The following ZNF385D variants were observed in gnomAD, a reference collection of about 807,000 sequenced individuals.
ZNF385D encodes zinc finger protein 659.
ZNF385D carries 15 observed loss-of-function variants against 35.8 expected under a neutral mutation model. The ratio of observed to expected loss-of-function variants is 0.42; its 90% CI spans 0.28 to 0.64. The LOEUF (loss-of-function observed/expected upper bound fraction) is 0.64. ZNF385D is among the 30% of genes least tolerant of loss of function. ZNF385D has a pLI of 0.23. For synonymous variants in ZNF385D, 212 were observed against 186.8 expected, an observed-to-expected ratio of 1.13 and a Z score of -1.10; for missense variants, 474 against 494.6, an observed-to-expected ratio of 0.96 and a Z score of 0.39.
In ZNF385D at chr3:22,091,201, C is replaced by T. The variant is rs138955744; in HGVS notation, c.325+77616G>A. 1.2e-4 allele frequency among the ~76,000 whole-genome samples: 19 copies of T among 152,250 alleles called. No homozygotes were observed. In the East Asian group the frequency reaches 3.5e-3, roughly 28 times the overall value. ...ACTTAACTTGGTTGATTGACTGAAA[C>T]TTGGACACCAAGATTCCAGACATTT... On this transcript the variant is annotated intron_variant, in intron 3 of 5. Coordinates refer to the ZNF385D transcript ENST00000494108.
At chr3:21,903,174 A>C (rs1207761906) in intron 3 of ZNF385D, among the ~76,000 whole-genome samples, 1 of 152,216 alleles carries the variant, frequency 6.6e-6, no homozygotes, top group African/African-American at 2.4e-5. Flanking sequence ...CTTTCTAAAA[A>C]GGGTGACCCA....
chr3:22,103,825 G>A (rs540665753), intron 3 of ZNF385D, among the ~76,000 whole-genome samples: 6 of 151,970 alleles, frequency 3.9e-5, no homozygotes, highest in Non-Finnish European at 7.4e-5. Flanking sequence ...CATAGTTGAG[G>A]GGGGTGACTT....
chr3:21,670,680 T>TGTTC (rs2066549202), intron 1 of ZNF385D, among the ~76,000 whole-genome samples: 1 of 52,410 alleles, frequency 1.9e-5, no homozygotes, highest in African/African-American at 8.1e-5. Flanking sequence ...CCCCAATGAC[T>TGTTC]GAACGAATCC....
At chr3:21,581,153 A>G (rs1244764033) in intron 2 of ZNF385D, among the ~76,000 whole-genome samples, 1 of 152,122 alleles carries the variant, frequency 6.6e-6, no homozygotes, top group African/African-American at 2.4e-5. Context: ...ATTTTCCATT[A>G]CTGCTTGCCC....
chr3:21,905,829 G>A (rs1022379500), intron 3 of ZNF385D, among the ~76,000 whole-genome samples: 11 of 152,046 alleles, frequency 7.2e-5, no homozygotes, highest in Non-Finnish European at 1.5e-4. Context: ...TGCTTTATAT[G>A]TACCTGACAA....
At chr3:22,139,912 C>A (rs982115689) in intron 3 of ZNF385D, among the ~76,000 whole-genome samples, 1 of 152,094 alleles carries the variant, frequency 6.6e-6, no homozygotes, top group Non-Finnish European at 1.5e-5. Flanking sequence ...TATCTACACT[C>A]CCATTAAAAT....
chr3:22,197,703 T>G (rs1468645260), intron 2 of ZNF385D, among the ~76,000 whole-genome samples: 1 of 152,106 alleles, frequency 6.6e-6, no homozygotes, highest in Non-Finnish European at 1.5e-5. Context: ...GATGCTCTGC[T>G]TATAATAGCA....
At chr3:21,955,412 C>T (rs1013015520) in intron 3 of ZNF385D, among the ~76,000 whole-genome samples, 4 of 152,198 alleles carry the variant, frequency 2.6e-5, no homozygotes, top group South Asian at 2.1e-4. Context: ...TCTCTTGTCT[C>T]CAATGTTCTT....
chr3:22,313,012 A>G (rs1249427230), intron 2 of ZNF385D, among the ~76,000 whole-genome samples: 1 of 151,412 alleles, frequency 6.6e-6, no homozygotes, highest in Non-Finnish European at 1.5e-5. Flanking sequence ...CAAATGTCCA[A>G]CGATAGACTG....
chr3:21,815,445 A>C (rs1039723453), intron 3 of ZNF385D, among the ~76,000 whole-genome samples: 1 of 152,236 alleles, frequency 6.6e-6, no homozygotes, highest in African/African-American at 2.4e-5. Flanking sequence ...AGCAAGACTA[A>C]TAAAGAAGAA....
At chr3:21,835,013 A>T (rs1049176413) in intron 3 of ZNF385D, among the ~76,000 whole-genome samples, 1 of 152,128 alleles carries the variant, frequency 6.6e-6, no homozygotes, top group South Asian at 2.1e-4. Context: ...GTGGAAATTG[A>T]CTAATACATA....
chr3:22,017,721 A>C (rs1308503583), intron 3 of ZNF385D, among the ~76,000 whole-genome samples: 2 of 151,988 alleles, frequency 1.3e-5, no homozygotes, highest in African/African-American at 4.8e-5. Flanking sequence ...TAAATTTATA[A>C]CATATTTCTC....
intron 3 of ZNF385D, among the ~76,000 whole-genome samples, chr3:21,895,458 C>T (rs1403325393): frequency 6.7e-6 from 1 of 149,324 alleles, no homozygotes; most frequent in Non-Finnish European, 1.5e-5. Context: ...TCCTGAGAAG[C>T]TGGGGACTAC....
At chr3:22,154,335 T>G (rs1159639254) in intron 3 of ZNF385D, among the ~76,000 whole-genome samples, 1 of 152,152 alleles carries the variant, frequency 6.6e-6, no homozygotes, top group Admixed American at 6.5e-5. Context: ...TGCTACATCA[T>G]TAAGTCAAAC....
intron 2 of ZNF385D, among the ~76,000 whole-genome samples, chr3:22,321,239 T>G (rs910844914): frequency 6.6e-6 from 1 of 150,608 alleles, no homozygotes; most frequent in Non-Finnish European, 1.5e-5. Context: ...CTATCAACAT[T>G]TAGTTATCAT....
chr3:21,654,880 G>A (rs2066026971), intron 2 of ZNF385D, among the ~76,000 whole-genome samples: 1 of 151,942 alleles, frequency 6.6e-6, no homozygotes, highest in African/African-American at 2.4e-5. Context: ...ATACTTGCTG[G>A]CAAAAAGTTC....
chr3:21,822,182 A>T (rs948061464), intron 3 of ZNF385D, among the ~76,000 whole-genome samples: 2 of 151,566 alleles, frequency 1.3e-5, no homozygotes, highest in African/African-American at 4.8e-5. Flanking sequence ...CGCCATTCTC[A>T]TGCCTCAGCC....
At chr3:21,789,210 T>C (rs898882125) in intron 3 of ZNF385D, among the ~76,000 whole-genome samples, 1 of 152,236 alleles carries the variant, frequency 6.6e-6, no homozygotes, top group African/African-American at 2.4e-5. Context: ...ATCTATAATA[T>C]AATTATCTTT....
intron 3 of ZNF385D, among the ~76,000 whole-genome samples, chr3:22,024,001 A>T (rs753453759): frequency 6.6e-6 from 1 of 152,150 alleles, no homozygotes; most frequent in Non-Finnish European, 1.5e-5. Context: ...GTCTGTGAGG[A>T]TGTTGCCAAA....
Sources: gnomAD v4.1 joint callset for allele counts (sites outside exome capture counted in the v4.1 genomes callset) on GRCh38, gnomAD v4.1.1 for gene constraint, MANE v1.5 for transcripts, NCBI Gene and HGNC (gene_info 2026-07-23, HGNC 2026-07-21) for gene names.